Variants in HEMK2 observed in about 807,000 individuals in gnomAD.
HEMK2 encodes the protein methyltransferase HEMK2.
At chr21:28,591,897 C>A in the HEMK2 span, among the ~76,000 whole-genome samples, 34 of 152,170 alleles carry the variant, frequency 2.2e-4, no homozygotes, top group African/African-American at 8.2e-4. Context: ...TTGTTTACAG[C>A]TGCATAATGT....
the HEMK2 span, among the ~76,000 whole-genome samples, chr21:28,609,566 GGA>G: frequency 0.31 from 12,962 of 41,624 alleles, 1,054 homozygotes; most frequent in East Asian, 0.49. Flanking sequence ...TGAATTGCCA[GGA>G]AAAAAAAAAA....
the HEMK2 span, among the ~76,000 whole-genome samples, chr21:28,820,808 TTTTC>T: frequency 6.6e-6 from 1 of 152,100 alleles, no homozygotes; most frequent in Non-Finnish European, 1.5e-5. Context: ...CCATAGGGGG[TTTTC>T]TTTGTCTTAT....
the HEMK2 span, among the ~76,000 whole-genome samples, chr21:28,589,075 C>A: frequency 6.6e-6 from 1 of 150,952 alleles, no homozygotes; most frequent in Non-Finnish European, 1.5e-5. Flanking sequence ...AGATTACATA[C>A]TATATAATTT....
the HEMK2 span, among the ~76,000 whole-genome samples, chr21:28,720,646 C>T: frequency 3.3e-5 from 5 of 152,114 alleles, no homozygotes; most frequent in Non-Finnish European, 5.9e-5. Flanking sequence ...GGCAGGAGAA[C>T]TGCTTGAACC....
chr21:28,873,337 G>A, the HEMK2 span: 1 of 152,174 alleles, frequency 6.6e-6, no homozygotes, highest in East Asian at 1.9e-4. Flanking sequence ...GAAATGAGAA[G>A]AAAACAAAGC....
At chr21:28,788,123 T>TATATGTGTATATATGTAAATATAC in the HEMK2 span, among the ~76,000 whole-genome samples, 3 of 151,130 alleles carry the variant, frequency 2.0e-5, no homozygotes, top group African/African-American at 7.3e-5. Flanking sequence ...CATATATGTA[T>TATATGTGTATATATGTAAATATAC]ATATGTGTAT....
At chr21:28,760,346 G>A in the HEMK2 span, among the ~76,000 whole-genome samples, 1 of 152,136 alleles carries the variant, frequency 6.6e-6, no homozygotes, top group Non-Finnish European at 1.5e-5. Flanking sequence ...TTCCATAAAT[G>A]GCTATAGAGT....
At chr21:28,862,054 T>TA in the HEMK2 span, among the ~76,000 whole-genome samples, 1 of 152,190 alleles carries the variant, frequency 6.6e-6, no homozygotes, top group South Asian at 2.1e-4. Context: ...AGAAGGGAGT[T>TA]ACAGTGTTGG....
At chr21:28,785,314 T>G in the HEMK2 span, among the ~76,000 whole-genome samples, 1 of 152,240 alleles carries the variant, frequency 6.6e-6, no homozygotes, top group Non-Finnish European at 1.5e-5. Context: ...GATTTCAAAT[T>G]TTTAAATCAG....
chr21:28,841,078 T>C, the HEMK2 span, among the ~76,000 whole-genome samples: 1 of 39,948 alleles, frequency 2.5e-5, no homozygotes, highest in Non-Finnish European at 3.6e-5. Context: ...ATATTATATA[T>C]TATATATTAT....
At chr21:28,619,013 G>A in the HEMK2 span, among the ~76,000 whole-genome samples, 5 of 152,076 alleles carry the variant, frequency 3.3e-5, no homozygotes, top group Admixed American at 6.6e-5. Flanking sequence ...GGTCACTAGC[G>A]TAGGCCTTAA....
At chr21:28,829,655 T>C in the HEMK2 span, among the ~76,000 whole-genome samples, 40 of 152,324 alleles carry the variant, frequency 2.6e-4, no homozygotes, top group East Asian at 3.7e-3. Context: ...CAGTATCCCA[T>C]TCTCAGCTGC....
chr21:28,849,731 G>T, the HEMK2 span, among the ~76,000 whole-genome samples: 1 of 152,264 alleles, frequency 6.6e-6, no homozygotes, highest in African/African-American at 2.4e-5. Context: ...TAATACAATA[G>T]TAAGTACTGA....
At chr21:28,790,997 TA>T in the HEMK2 span, among the ~76,000 whole-genome samples, 8 of 152,174 alleles carry the variant, frequency 5.3e-5, no homozygotes, top group African/African-American at 1.9e-4. Context: ...AAAAAAAGAA[TA>T]TTTTGCAAAT....
At chr21:28,793,798 G>C in the HEMK2 span, among the ~76,000 whole-genome samples, 1 of 152,076 alleles carries the variant, frequency 6.6e-6, no homozygotes, top group South Asian at 2.1e-4. Context: ...GAGAAGAAGA[G>C]AAAAAACAGG....
the HEMK2 span, among the ~76,000 whole-genome samples, chr21:28,837,474 AT>A: frequency 6.6e-6 from 1 of 152,358 alleles, no homozygotes; most frequent in South Asian, 2.1e-4. Context: ...TAAGATGGAA[AT>A]TTAAAAATTC....
At chr21:28,847,824 A>G in the HEMK2 span, among the ~76,000 whole-genome samples, 1 of 152,200 alleles carries the variant, frequency 6.6e-6, no homozygotes, top group Non-Finnish European at 1.5e-5. Context: ...GTCCAGTTTC[A>G]GTTTTCTGTA....
At chr21:28,864,923 T>TAGATAGATAGATAGATAGATAGATAGAC in the HEMK2 span, among the ~76,000 whole-genome samples, 452 of 123,836 alleles carry the variant, frequency 3.6e-3, 4 homozygotes, top group East Asian at 0.017. Flanking sequence ...TATAGATAGA[T>TAGATAGATAGATAGATAGATAGATAGAC]AGACAGACAG....
At chr21:28,616,293 A>AT in the HEMK2 span, among the ~76,000 whole-genome samples, 12 of 152,222 alleles carry the variant, frequency 7.9e-5, no homozygotes, top group African/African-American at 2.7e-4. Context: ...ACATCATGAG[A>AT]TTTTGAAAAA....
Sources: allele counts gnomAD v4.1 joint callset (sites outside exome capture counted in the v4.1 genomes callset), GRCh38; gene constraint gnomAD v4.1.1; transcripts MANE v1.5; gene names NCBI Gene and HGNC (gene_info 2026-07-23, HGNC 2026-07-21).